LIN54: variants seen among roughly 807,000 people sequenced by gnomAD.
The protein encoded by LIN54 is protein lin-54 homolog.
In LIN54, 9 loss-of-function variants were observed where a neutral mutation model predicts 78.7. That is an observed-to-expected ratio of 0.11 (90% CI 0.07 to 0.20). The LOEUF (loss-of-function observed/expected upper bound fraction) is 0.20. Among genes scored for constraint, LIN54 ranks in the 10% least tolerant of loss-of-function variants. The pLI is 1.00. For missense variants in LIN54, 573 were observed against 889.9 expected (o/e 0.64, Z 4.53); for synonymous variants, 269 against 318.4 (o/e 0.84, Z 1.65).
chr4:83,010,679 T>TCGCCGTCGCCGC lies in LIN54; in HGVS notation c.-240_-229dup. The TCGCCGTCGCCGC allele has an allele frequency of 2.6e-6, 3 of 1,146,446 alleles. No individual in the cohort carries two copies. The highest frequency in any genetic ancestry group is 2.1e-6 in the Non-Finnish European group (2 of 935,584). The allele number at this position is 1,146,446 out of a possible 1,614,324, so 71.0% of individuals were successfully genotyped here. On this transcript the variant is annotated 5_prime_UTR_variant, in exon 1 of 13. Coordinates refer to ENST00000340417, the MANE Select transcript of LIN54 (RefSeq NM_194282.4). ...CGAGAAGGGAGCCGGGGTGGCGACG[T>TCGCCGTCGCCGC]CGCCGTCGCCGCCGCCTCTGGTATG...
intron 1 of LIN54, among the ~76,000 whole-genome samples, chr4:83,007,179 AAAG>A: frequency 6.6e-6 from 1 of 152,164 alleles, no homozygotes; most frequent in Non-Finnish European, 1.5e-5. Context: ...AAATAAATAA[AAAG>A]AAATTATATA....
chr4:82,966,039 C>T (rs1725176006), intron 4 of LIN54, among the ~76,000 whole-genome samples: 1 of 152,122 alleles, frequency 6.6e-6, no homozygotes, highest in Non-Finnish European at 1.5e-5. Context: ...TAATAACCCC[C>T]TTATCATTTA....
intron 7 of LIN54, among the ~76,000 whole-genome samples, 159 bp downstream of exon 7, chr4:82,939,380 T>C (rs949399986): frequency 1.3e-5 from 2 of 152,226 alleles, no homozygotes; most frequent in South Asian, 4.1e-4. Context: ...TAAAAGTACA[T>C]AGAAATAAAC....
At chr4:83,002,570 CA>C (rs1728963268) in intron 1 of LIN54, among the ~76,000 whole-genome samples, 1 of 152,054 alleles carries the variant, frequency 6.6e-6, no homozygotes, top group Non-Finnish European at 1.5e-5. Context: ...CCTGTCTCCT[CA>C]TCTACCTCCT....
At chr4:82,973,975 A>C (rs752064006) in intron 3 of LIN54, among the ~76,000 whole-genome samples, 9 of 151,664 alleles carry the variant, frequency 5.9e-5, no homozygotes, top group Non-Finnish European at 1.0e-4. Context: ...CTTTGGGAGG[A>C]CAAGGAGGGT....
chr4:82,993,184 G>T (rs1578634638), intron 1 of LIN54, among the ~76,000 whole-genome samples: 1 of 149,452 alleles, frequency 6.7e-6, no homozygotes, highest in African/African-American at 2.5e-5. Flanking sequence ...TTACCTCTTT[G>T]CTTCTGTTTG....
chr4:83,007,327 A>G (rs1462952277), intron 1 of LIN54, among the ~76,000 whole-genome samples: 2 of 152,258 alleles, frequency 1.3e-5, no homozygotes, highest in East Asian at 3.9e-4. Flanking sequence ...ATACAAAAAT[A>G]AAAAAGGGAA....
chr4:82,935,063 T>C (rs1722282232), intron 11 of LIN54, among the ~76,000 whole-genome samples: 1 of 151,944 alleles, frequency 6.6e-6, no homozygotes, highest in South Asian at 2.1e-4. Flanking sequence ...ATGGAGACAA[T>C]TGCCTACCGT....
At chr4:82,955,369 A>AAATAACATAACATAAC (rs1553950442) in intron 4 of LIN54, among the ~76,000 whole-genome samples, 7 of 138,290 alleles carry the variant, frequency 5.1e-5, no homozygotes, top group Non-Finnish European at 7.8e-5. Flanking sequence ...ATCTCAAAAA[A>AAATAACATAACATAAC]ATAACATAAC....
At chr4:82,980,091 T>C (rs985936201) in intron 2 of LIN54, among the ~76,000 whole-genome samples, 3 of 152,074 alleles carry the variant, frequency 2.0e-5, no homozygotes, top group African/African-American at 7.2e-5. Flanking sequence ...AGAGAAACTA[T>C]ATTTAATTCA....
At chr4:82,993,641 A>G (rs1450681901) in intron 1 of LIN54, among the ~76,000 whole-genome samples, 2 of 151,868 alleles carry the variant, frequency 1.3e-5, no homozygotes, top group East Asian at 3.9e-4. Context: ...TTTTTGAGAC[A>G]GTGCCTCACT....
At chr4:82,930,899 A>G in intron 12 of LIN54, 44 bp downstream of exon 12, 1 of 1,563,310 alleles carries the variant, frequency 6.4e-7, no homozygotes, top group Non-Finnish European at 8.8e-7. Context: ...ACTTTACCAA[A>G]AGTATTTGGG....
At chr4:82,957,365 C>T (rs1011207161) in intron 4 of LIN54, among the ~76,000 whole-genome samples, 1 of 152,126 alleles carries the variant, frequency 6.6e-6, no homozygotes, top group African/African-American at 2.4e-5. Flanking sequence ...CATTGCCTAA[C>T]TAATATTTTG....
chr4:83,011,178 G>T (rs188793055), upstream of LIN54, among the ~76,000 whole-genome samples: 54 of 152,268 alleles, frequency 3.5e-4, no homozygotes, highest in Non-Finnish European at 7.5e-4. Context: ...GCTATCTCAG[G>T]CACTAAAAAC....
At chr4:82,929,045 G>A (rs145966137) in intron 12 of LIN54, among the ~76,000 whole-genome samples, 119 of 152,250 alleles carry the variant, frequency 7.8e-4, no homozygotes, top group Admixed American at 2.1e-3. Context: ...GTGAGTAAGC[G>A]GTCACTAACA....
At chr4:82,991,824 A>G (rs937088870) in intron 1 of LIN54, among the ~76,000 whole-genome samples, 5 of 152,008 alleles carry the variant, frequency 3.3e-5, no homozygotes, top group Non-Finnish European at 7.4e-5. Flanking sequence ...CCTGATATGA[A>G]CCCCACTTGA....
At chr4:83,012,350 G>A (rs1251213095), upstream of LIN54, among the ~76,000 whole-genome samples, 2 of 152,210 alleles carry the variant, frequency 1.3e-5, no homozygotes, top group African/African-American at 4.8e-5. Context: ...GGCATAGGAA[G>A]AACGCGGCGG....
chr4:82,967,928 C>A (rs919676832), intron 4 of LIN54, among the ~76,000 whole-genome samples: 2 of 152,178 alleles, frequency 1.3e-5, no homozygotes. Flanking sequence ...AATCCCTGAG[C>A]CATGGTTAGA....
chr4:82,928,785 C>T lies in LIN54; in HGVS notation c.2049-482G>A, dbSNP rs113972431. Among the ~76,000 whole-genome samples the T allele has an allele frequency of 2.4e-3, 362 of 152,316 alleles. 2 individuals carry two copies. Among genetic ancestry groups the T allele is most frequent in the African/African-American group, 8.3e-3 (343 of 41,564 alleles). On this transcript the variant is annotated intron_variant, in intron 12 of 12. Transcript: ENST00000340417. ...CTCTTCGGCAAAATGAAAAATAAAG[C>T]ACTTTACCATAGTCACTGATACTGT...
Sources: gnomAD v4.1 joint callset for allele counts (sites outside exome capture counted in the v4.1 genomes callset) on GRCh38, gnomAD v4.1.1 for gene constraint, MANE v1.5 for transcripts, NCBI Gene and HGNC (gene_info 2026-07-23, HGNC 2026-07-21) for gene names.